Variants in ZSCAN30 observed in about 807,000 individuals in gnomAD.
ZSCAN30 encodes zinc finger and SCAN domain-containing protein 30.
ZSCAN30 carries 37 observed loss-of-function variants against 44.3 expected under a neutral mutation model. The ratio of observed to expected loss-of-function variants is 0.84; its 90% CI spans 0.64 to 1.10. The LOEUF is 1.10. Among genes scored for constraint, ZSCAN30 ranks in the 50% least tolerant of loss-of-function variants. The pLI is 0.00. For missense variants in ZSCAN30, 549 were observed against 582.6 expected (o/e 0.94, Z 0.59); for synonymous variants, 181 against 204.6 (o/e 0.88, Z 0.98).
intron 3 of ZSCAN30, among the ~76,000 whole-genome samples, chr18:35,256,669 C>A (rs2043831948): frequency 6.6e-6 from 1 of 152,172 alleles, no homozygotes; most frequent in South Asian, 2.1e-4. Flanking sequence ...AGGCTCAAGT[C>A]TGGAGGCTGG....
intron 1 of ZSCAN30, among the ~76,000 whole-genome samples, chr18:35,279,199 T>G (rs1038568374): frequency 6.6e-6 from 1 of 152,238 alleles, no homozygotes; most frequent in South Asian, 2.1e-4. Flanking sequence ...ATAATAGAAA[T>G]GTATTCTCTC....
intron 1 of ZSCAN30, among the ~76,000 whole-genome samples, chr18:35,288,561 T>C (rs773618204): frequency 1.1e-4 from 16 of 152,214 alleles, no homozygotes; most frequent in Non-Finnish European, 1.9e-4. Flanking sequence ...CAAATGCCCA[T>C]GAACTGGTGA....
At chr18:35,257,948 C>T (rs371124888) in intron 3 of ZSCAN30, 12 of 780,904 alleles carry the variant, frequency 1.5e-5, no homozygotes, top group Middle Eastern at 2.2e-4. Flanking sequence ...AAGAACACAT[C>T]GTCAATAAAT....
intron 3 of ZSCAN30, chr18:35,256,263 G>A (rs1364628136): frequency 6.6e-6 from 1 of 152,148 alleles, no homozygotes; most frequent in Non-Finnish European, 1.5e-5. Flanking sequence ...GACAAATAGA[G>A]ATTACAAGTA....
chr18:35,261,115 T>G (rs1475622580), intron 3 of ZSCAN30: 1 of 152,196 alleles, frequency 6.6e-6, no homozygotes, highest in Non-Finnish European at 1.5e-5. Context: ...GGTAATCCTT[T>G]CCCCATTGCT....
intron 1 of ZSCAN30, chr18:35,266,657 ATTTTTTTTTTTTTTTTTTTT>A (rs34611791): frequency 1.3e-5 from 1 of 78,612 alleles, no homozygotes; most frequent in African/African-American, 5.2e-5. Context: ...ATTTCTCCTA[ATTTTTTTTTTTTTTTTTTTT>A]TTTTTTTTGA....
rs779406606 is a variant in ZSCAN30 at position 35,253,416 on chromosome 18, GCATTTCA to G, written c.*27_*33del. On this transcript the variant is annotated 3_prime_UTR_variant, in exon 4 of 4. Coordinates refer to ENST00000333206, the MANE Select transcript of ZSCAN30 (RefSeq NM_001112734.4). ...GTCTCACCCCTACAGTGAACTCCTT[GCATTTCA>G]CAATTGTACAACTCTTACCCACAGA... is the stretch of plus-strand genomic sequence containing the variant. 18 of 1,515,276 alleles carry G rather than the reference GCATTTCA, an allele frequency of 1.2e-5. No homozygotes were observed. In the South Asian group the frequency reaches 1.7e-4, roughly 15 times the overall value. 93.9% of individuals were successfully genotyped at this position (1,515,276 alleles called of 1,614,324 possible). A position where few individuals can be genotyped will look rare whatever the true frequency, so the allele number is the denominator to read the frequency against.
intron 3 of ZSCAN30, among the ~76,000 whole-genome samples, chr18:35,259,922 G>A (rs1046746807): frequency 1.1e-4 from 16 of 152,204 alleles, no homozygotes; most frequent in African/African-American, 3.6e-4. Context: ...TTGTTACGTA[G>A]GTAAATGTGT....
At chr18:35,274,193 CT>C (rs757387225) in intron 1 of ZSCAN30, among the ~76,000 whole-genome samples, 5 of 151,686 alleles carry the variant, frequency 3.3e-5, no homozygotes, top group African/African-American at 1.2e-4. Context: ...TTTTTGGGGG[CT>C]TTTTTTTGCT....
intron 1 of ZSCAN30, among the ~76,000 whole-genome samples, chr18:35,265,891 G>C (rs377026824): frequency 6.6e-6 from 1 of 152,136 alleles, no homozygotes. Flanking sequence ...AAGGAGAAAG[G>C]GATGGGAAGA....
chr18:35,254,882 G>GA (rs1336461342), intron 3 of ZSCAN30: 1 of 162,732 alleles, frequency 6.1e-6, no homozygotes, highest in Non-Finnish European at 1.4e-5. Context: ...GCAGCAACTA[G>GA]AAAGCATTAA....
intron 3 of ZSCAN30, chr18:35,259,621 C>T (rs2043968891): frequency 6.5e-6 from 1 of 154,014 alleles, no homozygotes; most frequent in African/African-American, 2.4e-5. Context: ...TTATAAAGGC[C>T]CTATCTCTAA....
chr18:35,270,211 TTAA>T (rs1302791222), intron 1 of ZSCAN30: 3 of 152,032 alleles, frequency 2.0e-5, no homozygotes, highest in Admixed American at 6.6e-5. Context: ...GTGAAAGATG[TTAA>T]TAAAAAGAAA....
At chr18:35,275,896 G>A (rs925813034) in intron 1 of ZSCAN30, among the ~76,000 whole-genome samples, 2 of 152,082 alleles carry the variant, frequency 1.3e-5, no homozygotes, top group African/African-American at 4.8e-5. Flanking sequence ...TGTTTTTTAT[G>A]AAGAGGTGTT....
At chr18:35,271,921 G>C (rs1250051635) in intron 1 of ZSCAN30, among the ~76,000 whole-genome samples, 1 of 152,066 alleles carries the variant, frequency 6.6e-6, no homozygotes, top group African/African-American at 2.4e-5. Flanking sequence ...GGGGCCGGCG[G>C]CGCTGGCCGG....
chr18:35,277,900 A>C (rs558160771), intron 1 of ZSCAN30, among the ~76,000 whole-genome samples: 2 of 152,006 alleles, frequency 1.3e-5, no homozygotes, highest in Admixed American at 1.3e-4. Context: ...GTTTGCTCTC[A>C]TTTTTAGTTT....
chr18:35,255,166 A>G (rs2143656671), intron 3 of ZSCAN30, among the ~76,000 whole-genome samples: 1 of 151,508 alleles, frequency 6.6e-6, no homozygotes, highest in South Asian at 2.1e-4. Context: ...GACTGCCCAG[A>G]GCCAGACCTT....
Position 35,263,992 on chromosome 18 carries a change from T to C in ZSCAN30, c.361A>G (p.Thr121Ala), listed in dbSNP as rs1464204149. ...TCTTTTTCCAGCTCCTCCAGCATAGTCACAGCTTCCTCTCCATTCTCTGGC... is the reference window on the plus strand; with the variant it reads ...TCTTTTTCCAGCTCCTCCAGCATAGCCACAGCTTCCTCTCCATTCTCTGGC... ...HRPENGEEAVTMLEELEKELE... is the reference protein window; with the variant it reads ...HRPENGEEAVAMLEELEKELE... Residue 121 changes from threonine (T) to alanine (A), a missense_variant, in exon 2 of 4, where the codon ACT becomes GCT. Transcript: ENST00000333206. 1 of 1,614,214 alleles carries C rather than the reference T, an allele frequency of 6.2e-7. No homozygotes were observed. The highest frequency in any genetic ancestry group is 2.2e-5 in the East Asian group (1 of 44,888).
chr18:35,257,395 C>G (rs1569064732), intron 3 of ZSCAN30: 1 of 153,146 alleles, frequency 6.5e-6, no homozygotes, highest in Non-Finnish European at 1.5e-5. Flanking sequence ...GTCCTAACCC[C>G]CAAGGTGATG....
Sources: allele counts gnomAD v4.1 joint callset (sites outside exome capture counted in the v4.1 genomes callset), GRCh38; gene constraint gnomAD v4.1.1; transcripts MANE v1.5; gene names NCBI Gene and HGNC (gene_info 2026-07-23, HGNC 2026-07-21).